The following SLC66A2 variants were observed in gnomAD, a reference collection of about 807,000 sequenced individuals.
SLC66A2 encodes the protein PQ loop repeat containing 1.
SLC66A2 carries 23 observed loss-of-function variants against 25.5 expected under a neutral mutation model. That is an observed-to-expected ratio of 0.90 (90% CI 0.65 to 1.28). The LOEUF (loss-of-function observed/expected upper bound fraction) is 1.28, where lower values mean the gene tolerates loss of function less well. Among genes scored for constraint, SLC66A2 ranks in the 50% most tolerant of loss-of-function variants. The pLI is 0.00. For missense variants in SLC66A2, 396 were observed against 373.1 expected (o/e 1.06, Z -0.51); for synonymous variants, 193 against 166.5 (o/e 1.16, Z -1.23).
At chr18:79,916,347 T>C (rs190541417) in intron 5 of SLC66A2, among the ~76,000 whole-genome samples, 3 of 148,646 alleles carry the variant, frequency 2.0e-5, no homozygotes, top group Non-Finnish European at 3.0e-5. Context: ...CTGTAGCTCT[T>C]GTCATGACGT....
At position 79,950,906 on chromosome 18, in the gene SLC66A2, G is replaced by A. The variant is rs1369912544; in HGVS notation, c.21C>T (p.Asp7=). The A allele has an allele frequency of 3.2e-6, 5 of 1,585,910 alleles. No individual in the cohort carries two copies. Among genetic ancestry groups the A allele is most frequent in the Non-Finnish European group, 8.6e-7 (1 of 1,167,030 alleles). The change falls in exon 2 of 6, where the codon GAC becomes GAT. Residue 7 remains aspartate (D), a synonymous_variant. Transcript: ENST00000397778. The stretch of plus-strand genomic sequence containing the variant: ...GCTGGTGCAGTGGCACCAGGAGCCA[G>A]TCCAGGCCCTCGGCCTCCATCGCAG... MEAEGL[D]WLLVPLHQLV... is the part of the protein sequence containing the mutation.
At chr18:79,938,145 CAAA>C (rs61104575) in intron 3 of SLC66A2, among the ~76,000 whole-genome samples, 28 of 135,808 alleles carry the variant, frequency 2.1e-4, no homozygotes, top group Admixed American at 2.9e-4. Flanking sequence ...GACCCTGTCT[CAAA>C]AAAAAAAAAA....
chr18:79,911,469 T>TG (rs1372516931), intron 5 of SLC66A2, among the ~76,000 whole-genome samples: 2 of 152,240 alleles, frequency 1.3e-5, no homozygotes, highest in African/African-American at 2.4e-5. Context: ...AGCTGAAGCC[T>TG]GATCCCAGGA....
At position 79,941,331 on chromosome 18, in the gene SLC66A2, T is replaced by C. The variant is rs1242622939; in HGVS notation, c.337+1998A>G. ...CGTCTGAGGACCCCTGAGATTAGGT[T>C]ACACCACAGGATAATCCAGGACCAG... On this transcript the variant is annotated intron_variant, in intron 3 of 5. Transcript: ENST00000397778. The surrounding 1 kb of genome is among the most constrained non-coding windows in gnomAD (Gnocchi z 4.1). 1.3e-5 allele frequency among the ~76,000 whole-genome samples: 2 copies of C among 152,128 alleles called. No individual in the cohort carries two copies. The highest frequency in any genetic ancestry group is 2.4e-5 in the African/African-American group (1 of 41,410).
At chr18:79,912,033 CAG>C (rs1488961500) in intron 5 of SLC66A2, among the ~76,000 whole-genome samples, 1 of 122,830 alleles carries the variant, frequency 8.1e-6, no homozygotes, top group Non-Finnish European at 1.7e-5. Context: ...AGGAAGGGGA[CAG>C]GAGCAGGGAG....
chr18:79,923,135 G>A (rs1329240626), intron 4 of SLC66A2, among the ~76,000 whole-genome samples: 3 of 150,436 alleles, frequency 2.0e-5, no homozygotes, highest in Admixed American at 6.6e-5. Context: ...CGGGGCGTGG[G>A]CTCATGTGTA....
At chr18:79,943,488 G>A in intron 2 of SLC66A2, 26 bp from the exon 3 acceptor site, 2 of 1,608,094 alleles carry the variant, frequency 1.2e-6, no homozygotes, top group Non-Finnish European at 1.7e-6. Context: ...TGTGTCAGGA[G>A]GGAGGTCCAC....
Position 79,919,301 on chromosome 18 carries a change from G to A in SLC66A2, c.491C>T (p.Ser164Phe). 6.2e-7 allele frequency: 1 copy of A among 1,613,336 alleles called. No homozygotes were observed. Among genetic ancestry groups the A allele is most frequent in the African/African-American group, 1.3e-5 (1 of 75,078 alleles). The change falls in exon 5 of 6, where the codon TCC (serine) becomes TTC (phenylalanine). Residue 164 changes from serine (S) to phenylalanine (F), a missense_variant. Coordinates refer to ENST00000397778, the MANE Select transcript of SLC66A2 (RefSeq NM_025078.5). ...CTCCACAAACAGGGCGGAGTCAATG[G>A]ACAGGTAGGTGATGTAGCCCGCCAC... is the stretch of plus-strand genomic sequence containing the variant. ...TGVAGYITYL[S>F]IDSALFVETL...
rs62101189 is a variant in SLC66A2, at chr18:79,917,207, T to C, written c.608+1977A>G. On this transcript the variant is annotated intron_variant, in intron 5 of 5. Coordinates refer to ENST00000397778, the MANE Select transcript of SLC66A2 (RefSeq NM_025078.5). The surrounding 1 kb of genome is among the most constrained non-coding windows in gnomAD (Gnocchi z 6.0). ...GCCGCCTCGGCCAGCATCTGGAAAC[T>C]CGGGTTTGAAGAGGATTCCCACGTC... 9.8e-5 allele frequency among the ~76,000 whole-genome samples: 15 copies of C among 152,344 alleles called. No individual in the cohort carries two copies. The East Asian group carries it at 2.9e-3, about 29-fold the overall frequency.
chr18:79,943,975 C>G (rs1987948493), intron 2 of SLC66A2: 1 of 171,338 alleles, frequency 5.8e-6, no homozygotes, highest in African/African-American at 2.4e-5. Context: ...GGAAGGAGCC[C>G]AGGAGTTGGC....
chr18:79,935,046 G>T (rs1274337897), intron 3 of SLC66A2, among the ~76,000 whole-genome samples: 2 of 151,078 alleles, frequency 1.3e-5, no homozygotes, highest in Admixed American at 1.3e-4. Flanking sequence ...GATTCTATGG[G>T]TCCCTCAGCT....
chr18:79,912,801 C>T (rs924973267), intron 5 of SLC66A2, among the ~76,000 whole-genome samples: 1 of 152,188 alleles, frequency 6.6e-6, no homozygotes, highest in Non-Finnish European at 1.5e-5. Context: ...CTGAACCCTC[C>T]TGTCACATGG....
intron 4 of SLC66A2, among the ~76,000 whole-genome samples, chr18:79,923,229 A>AT (rs1327061059): frequency 4.7e-5 from 1 of 21,252 alleles, no homozygotes; most frequent in Admixed American, 6.3e-4. Flanking sequence ...GAGGGGGTGG[A>AT]TGGGGGGGGG....
chr18:79,924,112 C>T (rs898184850), intron 4 of SLC66A2, among the ~76,000 whole-genome samples: 4 of 151,836 alleles, frequency 2.6e-5, no homozygotes, highest in Non-Finnish European at 5.9e-5. Context: ...TTACCACTGC[C>T]GGGCCGGCGG....
chr18:79,922,717 G>T (rs927146264), intron 4 of SLC66A2, among the ~76,000 whole-genome samples: 2 of 151,676 alleles, frequency 1.3e-5, no homozygotes, highest in East Asian at 1.9e-4. Context: ...TGCAAGGCCC[G>T]CACCTGACCT....
In SLC66A2 at chr18:79,949,977, T is replaced by C. The variant is rs1392202431; in HGVS notation, c.203+747A>G. On this transcript the variant is annotated intron_variant, in intron 2 of 5. Coordinates refer to ENST00000397778, the MANE Select transcript of SLC66A2 (RefSeq NM_025078.5). ...CTGTTAAAATTAATTTCAATTTCCT[T>C]AGCCTAATACAAATACAAAGAGGAA... The C allele has an allele frequency of 3.9e-5, 6 of 152,324 alleles. No homozygotes were observed. In the South Asian group the frequency reaches 8.3e-4, roughly 21 times the overall value. 9.4% of individuals were successfully genotyped at this position (152,324 alleles called of 1,614,324 possible). A position where few individuals can be genotyped will look rare whatever the true frequency, so the allele number is the denominator to read the frequency against.
chr18:79,928,636 A>T (rs752949012), intron 4 of SLC66A2, among the ~76,000 whole-genome samples: 1 of 152,140 alleles, frequency 6.6e-6, no homozygotes, highest in Non-Finnish European at 1.5e-5. Context: ...ACTTCGTGAC[A>T]CTTGGGCCAC....
Position 79,904,325 on chromosome 18 carries a change from CG to C in SLC66A2, c.609-143del, listed in dbSNP as rs1424149924. 2 of 730,934 alleles carry C rather than the reference CG, an allele frequency of 2.7e-6. No homozygotes were observed. Among genetic ancestry groups the C allele is most frequent in the Non-Finnish European group, 4.7e-6 (2 of 428,712 alleles). The allele number at this position is 730,934 out of a possible 1,614,324, so 45.3% of individuals were successfully genotyped here. A position where few individuals can be genotyped will look rare whatever the true frequency, so the allele number is the denominator to read the frequency against. On this transcript the variant is annotated intron_variant, in intron 5 of 5. Coordinates refer to ENST00000397778, the MANE Select transcript of SLC66A2 (RefSeq NM_025078.5). This position sits in a 1 kb window ranked among gnomAD's most constrained non-coding sequence, Gnocchi z 6.3. Reference sequence around the variant, plus strand: ...GCTAAGGGGACCCCCAGGCAGTCGGCGGGGAGGCCTGGGGCTCAGGGGGCAC... The same window carrying C: ...GCTAAGGGGACCCCCAGGCAGTCGGCGGGAGGCCTGGGGCTCAGGGGGCAC...
chr18:79,906,978 T>A (rs1197761423), intron 5 of SLC66A2, among the ~76,000 whole-genome samples: 2 of 152,236 alleles, frequency 1.3e-5, no homozygotes, highest in Non-Finnish European at 2.9e-5. Flanking sequence ...CCAAGCTTTC[T>A]TTGGTTCATA....
Sources: allele counts gnomAD v4.1 joint callset (sites outside exome capture counted in the v4.1 genomes callset), GRCh38; gene constraint gnomAD v4.1.1; non-coding constraint Gnocchi (gnomAD v3.1); transcripts MANE v1.5; gene names NCBI Gene and HGNC (gene_info 2026-07-23, HGNC 2026-07-21).